Variants in HMGN5 observed in about 807,000 individuals in gnomAD.
HMGN5 encodes high mobility group nucleosome-binding domain-containing protein 5.
HMGN5 carries 4 observed loss-of-function variants against 9.5 expected under a neutral mutation model. The ratio of observed to expected loss-of-function variants is 0.42; its 90% CI spans 0.21 to 0.96. The LOEUF (loss-of-function observed/expected upper bound fraction) is 0.96, where lower values mean the gene tolerates loss of function less well. HMGN5 is among the 40% of genes least tolerant of loss of function. The probability of loss-of-function intolerance (pLI) is 0.30; values close to 1 mark genes in which losing one functional copy is unlikely to be tolerated. For missense variants in HMGN5, 192 were observed against 187.5 expected, an observed-to-expected ratio of 1.02 and a Z score of -0.14; for synonymous variants, 55 against 57.1, an observed-to-expected ratio of 0.96 and a Z score of 0.16.
intron 1 of HMGN5, among the ~76,000 whole-genome samples, chrX:81,122,498 A>C (rs2075272006): frequency 8.9e-6 from 1 of 111,987 alleles, no homozygotes; most frequent in African/African-American, 3.3e-5. Flanking sequence ...CTCAGGCACA[A>C]AATTTAAGCT....
At chrX:81,131,671 G>A (rs139949487) in intron 1 of HMGN5, among the ~76,000 whole-genome samples, 1,565 of 110,878 alleles carry the variant, frequency 0.014, 22 homozygotes, top group Middle Eastern at 0.046. Context: ...TTATCCCTTC[G>A]TGTTAAAAAC....
intron 1 of HMGN5, among the ~76,000 whole-genome samples, chrX:81,146,287 T>A (rs1323901457): frequency 1.3e-4 from 14 of 111,039 alleles, no homozygotes; most frequent in Non-Finnish European, 1.9e-5. Flanking sequence ...AGAATGAAAA[T>A]CATAACAGTC....
intron 1 of HMGN5, among the ~76,000 whole-genome samples, chrX:81,196,117 G>A (rs1210586138): frequency 9.0e-6 from 1 of 111,282 alleles, no homozygotes; most frequent in Non-Finnish European, 1.9e-5. Context: ...CCCTTCTGCT[G>A]GCACTTGAAG....
chrX:81,170,584 C>T (rs767175781), intron 1 of HMGN5, among the ~76,000 whole-genome samples: 2 of 110,995 alleles, frequency 1.8e-5, no homozygotes, highest in South Asian at 7.5e-4. Context: ...GCACCCAGGA[C>T]ATAAAGAGTA....
intron 1 of HMGN5, among the ~76,000 whole-genome samples, chrX:81,147,156 G>C (rs2075347341): frequency 8.9e-6 from 1 of 111,915 alleles, no homozygotes; most frequent in Non-Finnish European, 1.9e-5. Flanking sequence ...TATGAGGTCA[G>C]CATCATCCTG....
At chrX:81,191,025 T>G (rs991686731) in intron 1 of HMGN5, among the ~76,000 whole-genome samples, 3 of 111,773 alleles carry the variant, frequency 2.7e-5, no homozygotes, top group Admixed American at 1.9e-4. Flanking sequence ...TTCTTTTCCT[T>G]CAATATTGTT....
intron 1 of HMGN5, among the ~76,000 whole-genome samples, chrX:81,123,280 A>T (rs1336255893): frequency 9.0e-6 from 1 of 110,853 alleles, no homozygotes; most frequent in Non-Finnish European, 1.9e-5. Flanking sequence ...GGAATTACAT[A>T]GATCAGGTAG....
rs545378227 is a variant in HMGN5, at chrX:81,120,456, A to T, written c.16-639T>A. Among the ~76,000 whole-genome samples, 3 of 111,234 alleles carry T rather than the reference A, an allele frequency of 2.7e-5. 1 individual carries two copies. In the South Asian group the frequency reaches 1.1e-3, roughly 42 times the overall value. On this transcript the variant is annotated intron_variant, in intron 2 of 6. Coordinates refer to ENST00000358130, the MANE Select transcript of HMGN5 (RefSeq NM_030763.3). ...AGAAAAGCACAGTGGCGGGAATCTC[A>T]GGAAGGGGGGATGGTGATTAGAAAC...
chrX:81,190,017 C>T (rs923035197), intron 1 of HMGN5, among the ~76,000 whole-genome samples: 1 of 112,315 alleles, frequency 8.9e-6, no homozygotes, highest in Admixed American at 9.4e-5. Flanking sequence ...TATTTGCCAG[C>T]TGTATAACTT....
At chrX:81,192,207 C>A (rs1229379772) in intron 1 of HMGN5, among the ~76,000 whole-genome samples, 1 of 111,443 alleles carries the variant, frequency 9.0e-6, no homozygotes, top group Non-Finnish European at 1.9e-5. Context: ...AGTTTAGTAA[C>A]TTTGCTTCTA....
At chrX:81,178,016 T>C (rs1218354403) in intron 1 of HMGN5, among the ~76,000 whole-genome samples, 1 of 111,771 alleles carries the variant, frequency 8.9e-6, no homozygotes, top group Admixed American at 9.5e-5. Flanking sequence ...TTGAAACCAA[T>C]GAGAACAAAC....
Position 81,153,586 on chromosome X carries a change from T to TC in HMGN5, c.-123-31915_-123-31914insG, listed in dbSNP as rs1347574056. On this transcript the variant is annotated intron_variant, in intron 1 of 6. Transcript: ENST00000358130. The stretch of plus-strand genomic sequence containing the variant: ...CTCTCTCTCTCTCTCTCTCTCTCTA[T>TC]ATATATATATATATATATATATATA... Among the ~76,000 whole-genome samples, 11 of 1,853 alleles carry TC rather than the reference T, an allele frequency of 5.9e-3. 3 individuals carry two copies. The highest frequency in any genetic ancestry group is 0.026 in the African/African-American group (11 of 427). 1.6% of individuals were successfully genotyped at this position (1,853 alleles called of 115,157 possible).
chrX:81,151,959 G>C (rs1244064471), intron 1 of HMGN5, among the ~76,000 whole-genome samples: 1 of 111,350 alleles, frequency 9.0e-6, no homozygotes, highest in Non-Finnish European at 1.9e-5. Context: ...AGCTGAAACT[G>C]GATCCCTTCC....
At chrX:81,179,458 A>T (rs1311828050) in intron 1 of HMGN5, among the ~76,000 whole-genome samples, 10 of 111,389 alleles carry the variant, frequency 9.0e-5, no homozygotes, top group African/African-American at 2.9e-4. Context: ...CACAATTGCT[A>T]AAAAGAGAAT....
intron 1 of HMGN5, among the ~76,000 whole-genome samples, chrX:81,149,813 T>C (rs189882937): frequency 1.8e-5 from 2 of 112,054 alleles, no homozygotes; most frequent in Admixed American, 1.9e-4. Flanking sequence ...GAGACAAAGA[T>C]GGTTACTATA....
intron 1 of HMGN5, among the ~76,000 whole-genome samples, chrX:81,196,294 G>A (rs758118263): frequency 1.8e-5 from 2 of 110,615 alleles, no homozygotes; most frequent in East Asian, 2.9e-4. Flanking sequence ...GATGTTGTTG[G>A]TTCTTCTAAA....
chrX:81,150,769 T>C (rs1416863028), intron 1 of HMGN5, among the ~76,000 whole-genome samples: 2 of 110,683 alleles, frequency 1.8e-5, no homozygotes, highest in African/African-American at 3.3e-5. Context: ...TTCAATTAAA[T>C]GGAAAATGAA....
intron 1 of HMGN5, among the ~76,000 whole-genome samples, chrX:81,138,670 C>CA (rs1174577924): frequency 3.6e-5 from 4 of 110,926 alleles, no homozygotes; most frequent in Admixed American, 9.7e-5. Context: ...AAAAGGTATG[C>CA]AGTTGGAAGG....
chrX:81,151,972 AC>A (rs762381370), intron 1 of HMGN5, among the ~76,000 whole-genome samples: 14 of 111,700 alleles, frequency 1.3e-4, no homozygotes, highest in Non-Finnish European at 2.1e-4. Flanking sequence ...TCCCTTCCTT[AC>A]ACCTTATACA....
Sources: gnomAD v4.1 joint callset for allele counts (sites outside exome capture counted in the v4.1 genomes callset) on GRCh38, gnomAD v4.1.1 for gene constraint, MANE v1.5 for transcripts, NCBI Gene and HGNC (gene_info 2026-07-23, HGNC 2026-07-21) for gene names.